The following GRID1 variants were observed in gnomAD, a reference collection of about 807,000 sequenced individuals.
GRID1 encodes the protein glutamate receptor ionotropic, delta-1.
GRID1 carries 28 observed loss-of-function variants against 98.0 expected under a neutral mutation model. The observed-to-expected ratio is 0.29, with a 90% CI of 0.21 to 0.39. GRID1 has a LOEUF of 0.39. Ranked by LOEUF, GRID1 falls within the 10% of genes least tolerant of loss-of-function variation. The pLI, the probability that GRID1 is intolerant of heterozygous loss-of-function variation, is 1.00. For synonymous variants in GRID1, 553 were observed against 538.5 expected, an observed-to-expected ratio of 1.03 and a Z score of -0.37; for missense variants, 1,111 against 1,340.5, an observed-to-expected ratio of 0.83 and a Z score of 2.67.
At chr10:85,973,751 T>C (rs1842436452) in intron 4 of GRID1, among the ~76,000 whole-genome samples, 1 of 152,212 alleles carries the variant, frequency 6.6e-6, no homozygotes, top group Non-Finnish European at 1.5e-5. Flanking sequence ...TTTAAGTATT[T>C]AACCAAAAGA....
rs188076457 is a variant in GRID1 at position 86,099,091 on chromosome 10, C to A, written c.726+39728G>T. Among the ~76,000 whole-genome samples the A allele has an allele frequency of 2.2e-4, 34 of 152,332 alleles. No homozygotes were observed. In the East Asian group the frequency reaches 6.4e-3, roughly 28 times the overall value. ...CAAAGGTCCAAAGTGATTACACTGG[C>A]TTTTCCAGGGTCACATAACCACTAA... On this transcript the variant is annotated intron_variant, in intron 4 of 15. Coordinates refer to ENST00000327946, the MANE Select transcript of GRID1 (RefSeq NM_017551.3).
intron 2 of GRID1, among the ~76,000 whole-genome samples, chr10:86,295,899 G>A (rs1041516582): frequency 3.3e-5 from 5 of 152,230 alleles, no homozygotes; most frequent in African/African-American, 7.2e-5. Context: ...CCTGCACTGT[G>A]GAGGGGCAGT....
chr10:86,351,148 C>G (rs573379082), intron 2 of GRID1, among the ~76,000 whole-genome samples: 2 of 152,358 alleles, frequency 1.3e-5, no homozygotes, highest in Non-Finnish European at 2.9e-5. Context: ...GCTGCAAGCG[C>G]CACTCAGGTG....
At chr10:86,323,705 T>C (rs897528978) in intron 2 of GRID1, among the ~76,000 whole-genome samples, 46 of 152,324 alleles carry the variant, frequency 3.0e-4, no homozygotes, top group African/African-American at 9.6e-4. Context: ...GAAAATGTTC[T>C]GGAATTAGGT....
At chr10:85,935,474 G>A (rs907687075) in intron 4 of GRID1, among the ~76,000 whole-genome samples, 3 of 152,188 alleles carry the variant, frequency 2.0e-5, no homozygotes, top group Non-Finnish European at 2.9e-5. Flanking sequence ...CAGTATACAC[G>A]CAGAGTATCA....
chr10:85,971,167 G>A (rs1351142535), intron 4 of GRID1, among the ~76,000 whole-genome samples: 1 of 151,924 alleles, frequency 6.6e-6, no homozygotes, highest in Non-Finnish European at 1.5e-5. Context: ...GTTCCCCAGT[G>A]ACAACCTTTC....
intron 8 of GRID1, among the ~76,000 whole-genome samples, chr10:85,760,206 A>T (rs1842134274): frequency 6.6e-6 from 1 of 152,244 alleles, no homozygotes; most frequent in Admixed American, 6.5e-5. Context: ...CACGAATAAG[A>T]TACATGAAAA....
At chr10:86,055,813 T>TTCTCTCTCTCTCTCTCTCTCTCTC (rs141146400) in intron 4 of GRID1, among the ~76,000 whole-genome samples, 2 of 147,438 alleles carry the variant, frequency 1.4e-5, no homozygotes, top group African/African-American at 2.5e-5. Flanking sequence ...TGTGCTCTCA[T>TTCTCTCTCTCTCTCTCTCTCTCTC]TCTCTCTCTC....
chr10:86,042,569 G>C (rs1449296825), intron 4 of GRID1, among the ~76,000 whole-genome samples: 3 of 152,110 alleles, frequency 2.0e-5, no homozygotes, highest in East Asian at 1.9e-4. Context: ...GAAATAGCAG[G>C]GGGTATTGTA....
chr10:85,940,300 C>T lies in GRID1; in HGVS notation c.727-24061G>A, dbSNP rs1841983115. 2.0e-5 allele frequency among the ~76,000 whole-genome samples: 3 copies of T among 152,252 alleles called. No homozygotes were observed. The South Asian group carries it at 6.2e-4, about 32-fold the overall frequency. Reference sequence around the variant, plus strand: ...TCTTATTTACCTTCTCTGTCTGGCCCACAGAGGCAGCTGAGTTTCTAACCC... The same window carrying T: ...TCTTATTTACCTTCTCTGTCTGGCCTACAGAGGCAGCTGAGTTTCTAACCC... On this transcript the variant is annotated intron_variant, in intron 4 of 15. Transcript: ENST00000327946.
In GRID1 at chr10:86,323,993, A is replaced by C. The variant is rs563758853; in HGVS notation, c.235+39948T>G. ...CAGGAGTTTGAGACCAGCCCAGCCA[A>C]CATGGTGAAACCCCATCTCTACTAA... On this transcript the variant is annotated intron_variant, in intron 2 of 15. Transcript: ENST00000327946. 1.6e-4 allele frequency among the ~76,000 whole-genome samples: 24 copies of C among 152,288 alleles called. 1 individual carries two copies. The highest frequency in any genetic ancestry group is 5.3e-4 in the African/African-American group (22 of 41,570).
chr10:86,291,262 G>A (rs1231299634), intron 2 of GRID1, among the ~76,000 whole-genome samples: 1 of 152,186 alleles, frequency 6.6e-6, no homozygotes, highest in African/African-American at 2.4e-5. Flanking sequence ...GGAAGGGGAT[G>A]AGACCCCCAC....
intron 12 of GRID1, among the ~76,000 whole-genome samples, chr10:85,677,481 C>T (rs1370175008): frequency 6.6e-6 from 1 of 152,210 alleles, no homozygotes; most frequent in Non-Finnish European, 1.5e-5. Context: ...GAGCACCTAT[C>T]ATGTGCTAGA....
chr10:86,244,651 G>A (rs74943867), intron 2 of GRID1, among the ~76,000 whole-genome samples: 4,937 of 152,292 alleles, frequency 0.032, 100 homozygotes, highest in Middle Eastern at 0.048. Flanking sequence ...AGGCAGCGAG[G>A]CCTGGGCCCC....
chr10:86,290,116 C>G (rs1847492248), intron 2 of GRID1, among the ~76,000 whole-genome samples: 1 of 152,244 alleles, frequency 6.6e-6, no homozygotes, highest in Non-Finnish European at 1.5e-5. Context: ...TTTACTTAAA[C>G]AAGTTTAACT....
intron 6 of GRID1, among the ~76,000 whole-genome samples, chr10:85,862,668 G>T (rs113478766): frequency 6.6e-6 from 1 of 152,134 alleles, no homozygotes; most frequent in African/African-American, 2.4e-5. Context: ...GGACACTCTC[G>T]GCTGCTGGAT....
Position 85,626,773 on chromosome 10 carries a change from T to C in GRID1, c.2194-6740A>G, listed in dbSNP as rs567311917. On this transcript the variant is annotated intron_variant, in intron 13 of 15. Coordinates refer to ENST00000327946, the MANE Select transcript of GRID1 (RefSeq NM_017551.3). Reference sequence around the variant, plus strand: ...TGTTACCTGTATTATGTATGTACCATGCCAAATTGTAAGATTCAACAGTAA... The same window carrying C: ...TGTTACCTGTATTATGTATGTACCACGCCAAATTGTAAGATTCAACAGTAA... 1.1e-4 allele frequency among the ~76,000 whole-genome samples: 17 copies of C among 152,296 alleles called. No homozygotes were observed. In the South Asian group the frequency reaches 3.1e-3, roughly 28 times the overall value.
intron 8 of GRID1, among the ~76,000 whole-genome samples, chr10:85,819,573 G>A (rs1361262176): frequency 2.0e-5 from 3 of 152,288 alleles, no homozygotes; most frequent in African/African-American, 7.2e-5. Flanking sequence ...AAGGGTACCA[G>A]GTGGTGTTCT....
Position 85,815,323 on chromosome 10 carries a change from A to G in GRID1, c.1233+39173T>C, listed in dbSNP as rs190190266. Among the ~76,000 whole-genome samples, 8 of 152,172 alleles carry G rather than the reference A, an allele frequency of 5.3e-5. No individual in the cohort carries two copies. The East Asian group carries it at 1.5e-3, about 29-fold the overall frequency. ...AAAGACACTGAATGCTTTCTCCCTA[A>G]GAGTGGGAACGAGGAAGGAATGCCT... is the stretch of plus-strand genomic sequence containing the variant. On this transcript the variant is annotated intron_variant, in intron 8 of 15. Transcript: ENST00000327946.
Sources: gnomAD v4.1 joint callset for allele counts (sites outside exome capture counted in the v4.1 genomes callset) on GRCh38, gnomAD v4.1.1 for gene constraint, MANE v1.5 for transcripts, NCBI Gene and HGNC (gene_info 2026-07-23, HGNC 2026-07-21) for gene names.